Variants in COL20A1 observed in about 807,000 individuals in gnomAD.
COL20A1 encodes the protein collagen type XX alpha 1 chain.
Under a neutral mutation model 152.9 loss-of-function variants are expected in COL20A1, and 164 were observed. The observed-to-expected ratio is 1.07, with a 90% CI of 0.94 to 1.22. The LOEUF (loss-of-function observed/expected upper bound fraction) is 1.22, where lower values mean the gene tolerates loss of function less well. COL20A1 is among the 50% of genes most tolerant of loss of function. The pLI, the probability that COL20A1 is intolerant of heterozygous loss-of-function variation, is 0.00. For synonymous variants in COL20A1, 864 were observed against 756.0 expected, an observed-to-expected ratio of 1.14 and a Z score of -2.34; for missense variants, 1,873 against 1,744.8, an observed-to-expected ratio of 1.07 and a Z score of -1.31.
intron 1 of COL20A1, among the ~76,000 whole-genome samples, chr20:63,293,808 G>T (rs1216415302): frequency 6.6e-6 from 1 of 150,778 alleles, no homozygotes; most frequent in African/African-American, 2.4e-5. Flanking sequence ...TTTCCCGCCG[G>T]GTGAGGCCTT....
chr20:63,301,493 G>A (rs1481204893), intron 3 of COL20A1, among the ~76,000 whole-genome samples: 1 of 152,018 alleles, frequency 6.6e-6, no homozygotes, highest in African/African-American at 2.4e-5. Context: ...GTCTACTTAT[G>A]CTGTTACTGA....
chr20:63,310,154 G>A (rs1488605386), intron 10 of COL20A1, among the ~76,000 whole-genome samples: 1 of 152,174 alleles, frequency 6.6e-6, no homozygotes, highest in African/African-American at 2.4e-5. Context: ...GGGTGCTGGG[G>A]TTAGGGTCAG....
At chr20:63,297,329 T>TCAGC (rs1472506357) in intron 2 of COL20A1, among the ~76,000 whole-genome samples, 5,276 of 147,390 alleles carry the variant, frequency 0.036, 250 homozygotes, top group Middle Eastern at 0.074. Context: ...CTCAGGGGAC[T>TCAGC]TAGCTCAGGG....
At chr20:63,297,838 C>A in intron 2 of COL20A1, 72 bp from the exon 3 acceptor site, 1 of 1,204,338 alleles carries the variant, frequency 8.3e-7, no homozygotes, top group Non-Finnish European at 1.2e-6. Flanking sequence ...GGCAGGATGC[C>A]TGTACCCCCA....
chr20:63,309,530 C>G (rs2067976111), intron 9 of COL20A1, 33 bp downstream of exon 9: 8 of 1,455,238 alleles, frequency 5.5e-6, no homozygotes, highest in Non-Finnish European at 7.3e-6. Flanking sequence ...CAGGCTGCAG[C>G]CCCCCCGGCT....
At chr20:63,303,478 C>T (rs938591983) in intron 3 of COL20A1, among the ~76,000 whole-genome samples, 5 of 152,178 alleles carry the variant, frequency 3.3e-5, no homozygotes, top group African/African-American at 7.2e-5. Flanking sequence ...ACTTCTACTG[C>T]GGAGTAGCTG....
At chr20:63,299,460 TA>T (rs1438703291) in intron 3 of COL20A1, among the ~76,000 whole-genome samples, 1 of 152,204 alleles carries the variant, frequency 6.6e-6, no homozygotes, top group Non-Finnish European at 1.5e-5. Context: ...TGTGGAGCTG[TA>T]ATTTACGTGC....
intron 2 of COL20A1, among the ~76,000 whole-genome samples, chr20:63,296,127 C>T (rs1392858856): frequency 6.6e-6 from 1 of 152,272 alleles, no homozygotes; most frequent in South Asian, 2.1e-4. Context: ...TTCCGGGTTT[C>T]ACGGCTTGTC....
chr20:63,325,331 G>C, intron 27 of COL20A1, 110 bp from the exon 28 acceptor site: 2 of 853,888 alleles, frequency 2.3e-6, no homozygotes, highest in Non-Finnish European at 4.0e-6. Context: ...AGGGCTCGCC[G>C]GGGACCCAGG....
At chr20:63,295,869 G>C (rs1209161512) in intron 2 of COL20A1, among the ~76,000 whole-genome samples, 1 of 152,280 alleles carries the variant, frequency 6.6e-6, no homozygotes, top group African/African-American at 2.4e-5. Flanking sequence ...CTGTAAACTT[G>C]TCCCTGGGCT....
chr20:63,294,739 G>A (rs139216600), intron 1 of COL20A1, among the ~76,000 whole-genome samples: 1,767 of 152,278 alleles, frequency 0.012, 20 homozygotes, highest in Non-Finnish European at 0.018. Flanking sequence ...GCCCTCGGGA[G>A]CCCCACAAGC....
In COL20A1 at chr20:63,315,426, C is replaced by T. The variant is rs368711881; in HGVS notation, c.2511C>T (p.Asp837=). ...GQTACPALRP[D]GSLPGFDLMV... is the part of the protein sequence containing the mutation. The stretch of plus-strand genomic sequence containing the variant: ...CAGCCTGCCCAGCCCTCCGCCCTGA[C>T]GGCTCCCTCCCAGGTGGGTCCTGCA... Residue 837 remains aspartate, a synonymous_variant, in exon 20 of 36, where the codon GAC becomes GAT. Coordinates refer to ENST00000358894, the MANE Select transcript of COL20A1 (RefSeq NM_020882.4). 113 of 1,579,172 alleles carry T rather than the reference C, an allele frequency of 7.2e-5. 1 individual carries two copies. The highest frequency in any genetic ancestry group is 6.6e-4 in the Middle Eastern group (4 of 6,060).
In COL20A1 at chr20:63,313,080, C is replaced by T; in HGVS notation, c.2077-37C>T. The T allele has an allele frequency of 6.3e-7, 1 of 1,587,996 alleles. No homozygotes were observed. Among genetic ancestry groups the T allele is most frequent in the South Asian group, 1.1e-5 (1 of 87,500 alleles). Reference sequence around the variant, plus strand: ...CCGGCCCCCCAACCTGAGGACCCCACTGCACCCGGTGACCCCTGGGGCTCT... The same window carrying T: ...CCGGCCCCCCAACCTGAGGACCCCATTGCACCCGGTGACCCCTGGGGCTCT... On this transcript the variant is annotated intron_variant, in intron 16 of 35. Transcript: ENST00000358894. This position sits in a 1 kb window ranked among gnomAD's most constrained non-coding sequence, Gnocchi z 5.9.
rs560678808 is a variant in COL20A1 at position 63,311,656 on chromosome 20, A to G, written c.1571A>G (p.Asp524Gly). The change falls in exon 13 of 36, where the codon GAT becomes GGT. Residue 524 changes from aspartate (D) to glycine (G), a missense_variant. Asp to Gly is a moderately conservative substitution (Grantham distance 94). Transcript: ENST00000358894. This position sits in a 1 kb window ranked among gnomAD's most constrained non-coding sequence, Gnocchi z 4.4. ...VQVGRPEVLL[D>G]GLEPGRDYEV... is the part of the protein sequence containing the mutation. ...GTCGGGCGGCCCGAGGTGCTGCTGG[A>G]TGGCCTGGAACCTGGCAGGGACTAT... The G allele has an allele frequency of 1.9e-6, 3 of 1,608,654 alleles. No individual in the cohort carries two copies. The African/African-American group carries it at 4.0e-5, about 22-fold the overall frequency.
intron 31 of COL20A1, chr20:63,327,687 T>G (rs2068272068): frequency 1.8e-6 from 1 of 547,574 alleles, no homozygotes; most frequent in Non-Finnish European, 3.3e-6. Flanking sequence ...GCACAAAATC[T>G]ACAGCCAGAG....
chr20:63,320,902 G>C, intron 25 of COL20A1, 111 bp from the exon 26 acceptor site: 2 of 784,166 alleles, frequency 2.6e-6, no homozygotes, highest in Non-Finnish European at 4.1e-6. Context: ...TCCCAGGTGC[G>C]GGTCTGGAAG....
At chr20:63,315,490 C>CT in intron 20 of COL20A1, 51 bp downstream of exon 20, 1 of 1,498,904 alleles carries the variant, frequency 6.7e-7, no homozygotes, top group South Asian at 1.2e-5. Flanking sequence ...CTCTCGGGCT[C>CT]TTCCTGGGCG....
In COL20A1 at chr20:63,311,858, C is replaced by T. The variant is rs766824427; in HGVS notation, c.1664-58C>T. The T allele has an allele frequency of 5.0e-5, 75 of 1,508,138 alleles. No individual in the cohort carries two copies. Among genetic ancestry groups the T allele is most frequent in the Non-Finnish European group, 6.2e-5 (70 of 1,129,500 alleles). 93.4% of individuals were successfully genotyped at this position (1,508,138 alleles called of 1,614,324 possible). A position where few individuals can be genotyped will look rare whatever the true frequency, so the allele number is the denominator to read the frequency against. On this transcript the variant is annotated intron_variant, in intron 13 of 35. Transcript: ENST00000358894. The surrounding 1 kb of genome is among the most constrained non-coding windows in gnomAD (Gnocchi z 4.4). ...CCCCCTCGGTCCCAGCCACTGCCCA[C>T]CCTTGCCCCTGCCATGGAGGCCGCG...
Position 63,308,673 on chromosome 20 carries a change from C to G in COL20A1, c.907C>G (p.Leu303Val). 6.2e-7 allele frequency: 1 copy of G among 1,607,040 alleles called. No individual in the cohort carries two copies. The highest frequency in any genetic ancestry group is 1.1e-5 in the South Asian group (1 of 89,998). Residue 303 changes from leucine to valine, a missense_variant, in exon 8 of 36, where the codon CTC becomes GTC. Coordinates refer to ENST00000358894, the MANE Select transcript of COL20A1 (RefSeq NM_020882.4). ...CGATGTGCACACTGCTGCCCGTGTCCTCAAGGACCTGGGCGTGAACGTCTT... is the reference window on the plus strand; with the variant it reads ...CGATGTGCACACTGCTGCCCGTGTCGTCAAGGACCTGGGCGTGAACGTCTT... ...QDDVHTAARV[L>V]KDLGVNVFAV...
Sources: allele counts gnomAD v4.1 joint callset (sites outside exome capture counted in the v4.1 genomes callset), GRCh38; gene constraint gnomAD v4.1.1; non-coding constraint Gnocchi (gnomAD v3.1); transcripts MANE v1.5; gene names NCBI Gene and HGNC (gene_info 2026-07-23, HGNC 2026-07-21).